The following ADGRL3 variants were observed in gnomAD, a reference collection of about 807,000 sequenced individuals.
ADGRL3 encodes the protein calcium-independent alpha-latrotoxin receptor 3.
In ADGRL3, 62 loss-of-function variants were observed where a neutral mutation model predicts 153.5. That is an observed-to-expected ratio of 0.40 (90% CI 0.33 to 0.50). The LOEUF (loss-of-function observed/expected upper bound fraction) is 0.50, where lower values mean the gene tolerates loss of function less well. ADGRL3 is among the 20% of genes least tolerant of loss of function. The pLI, the probability that ADGRL3 is intolerant of heterozygous loss-of-function variation, is 0.47. For missense variants in ADGRL3, 1,641 were observed against 1,859.4 expected (o/e 0.88, Z 2.16); for synonymous variants, 710 against 672.5 (o/e 1.06, Z -0.86).
intron 1 of ADGRL3, among the ~76,000 whole-genome samples, chr4:61,270,825 C>G (rs757626437): frequency 6.6e-6 from 1 of 151,606 alleles, no homozygotes; most frequent in Non-Finnish European, 1.5e-5. Flanking sequence ...TGTCTGTAAT[C>G]ATGTTGAGAC....
At chr4:61,984,445 G>A (rs2099078758) in intron 19 of ADGRL3, among the ~76,000 whole-genome samples, 1 of 152,082 alleles carries the variant, frequency 6.6e-6, no homozygotes, top group African/African-American at 2.4e-5. Context: ...AGTGGTGCAT[G>A]TCTATAAAGC....
In ADGRL3 at chr4:61,524,754, C is replaced by A. The variant is rs565920024; in HGVS notation, c.259+7236C>A. Among the ~76,000 whole-genome samples, 16 of 152,074 alleles carry A rather than the reference C, an allele frequency of 1.1e-4. No homozygotes were observed. The East Asian group carries it at 3.1e-3, about 29-fold the overall frequency. ...AAGTGTTCCCCACTGCTGTTTATCC[C>A]TTTTTTTGACTTTCTGTTTTATAAT... On this transcript the variant is annotated intron_variant, in intron 4 of 26. Coordinates refer to ENST00000683033, the MANE Select transcript of ADGRL3 (RefSeq NM_001387552.1).
intron 7 of ADGRL3, 54 bp downstream of exon 7, chr4:61,730,690 C>A: frequency 2.3e-6 from 1 of 431,528 alleles, no homozygotes; most frequent in Non-Finnish European, 4.0e-6. Flanking sequence ...AGTTATTTAA[C>A]AGTTTAACAT....
At chr4:61,228,504 C>T (rs574932385) in intron 1 of ADGRL3, among the ~76,000 whole-genome samples, 1 of 152,202 alleles carries the variant, frequency 6.6e-6, no homozygotes, top group East Asian at 1.9e-4. Flanking sequence ...GCAATAACCA[C>T]TATTTATATA....
At position 61,587,386 on chromosome 4, in the gene ADGRL3, A is replaced by G. The variant is rs2098950576; in HGVS notation, c.419A>G (p.Gln140Arg). ...AAAATTTGTGACTCTGACCCTGCTC[A>G]GATGGAGAATATCCGATGTTATCTG... is the stretch of plus-strand genomic sequence containing the variant. ...DDKICDSDPA[Q>R]MENIRCYLPD... The change falls in exon 5 of 27, where the codon CAG becomes CGG. Residue 140 changes from glutamine (Q) to arginine (R), a missense_variant. Coordinates refer to ENST00000683033, the MANE Select transcript of ADGRL3 (RefSeq NM_001387552.1). 6.2e-7 allele frequency: 1 copy of G among 1,612,600 alleles called. No individual in the cohort carries two copies. Among genetic ancestry groups the G allele is most frequent in the Non-Finnish European group, 8.5e-7 (1 of 1,179,114 alleles).
intron 2 of ADGRL3, among the ~76,000 whole-genome samples, chr4:61,416,880 G>A (rs935769052): frequency 4.6e-5 from 7 of 151,922 alleles, no homozygotes; most frequent in Admixed American, 3.3e-4. Context: ...TATACTGCTC[G>A]CCATAATGTA....
At chr4:61,228,839 C>A (rs577324353) in intron 1 of ADGRL3, among the ~76,000 whole-genome samples, 94 of 152,204 alleles carry the variant, frequency 6.2e-4, no homozygotes, top group Non-Finnish European at 1.1e-3. Context: ...TTACAGGAAC[C>A]TGCCACCATA....
chr4:61,432,566 T>C lies in ADGRL3; in HGVS notation c.-174+49377T>C, dbSNP rs1385342438. Among the ~76,000 whole-genome samples the C allele has an allele frequency of 1.4e-4, 4 of 29,342 alleles. No individual in the cohort carries two copies. The Admixed American group carries it at 2.7e-3, about 20-fold the overall frequency. 19.2% of individuals were successfully genotyped at this position (29,342 alleles called of 152,430 possible). A position where few individuals can be genotyped will look rare whatever the true frequency, so the allele number is the denominator to read the frequency against. On this transcript the variant is annotated intron_variant, in intron 2 of 26. Coordinates refer to ENST00000683033, the MANE Select transcript of ADGRL3 (RefSeq NM_001387552.1). ...AATAGCCTTTATAGATTTCTTTTCT[T>C]TCTCTTCCTTTCTTTCTTTCTTTCT...
intron 8 of ADGRL3, among the ~76,000 whole-genome samples, chr4:61,791,152 A>C (rs2097336934): frequency 6.6e-6 from 1 of 152,174 alleles, no homozygotes; most frequent in African/African-American, 2.4e-5. Flanking sequence ...TCATTTCAGC[A>C]TTAACTCAAA....
chr4:61,307,671 T>G (rs772962138), intron 1 of ADGRL3, among the ~76,000 whole-genome samples: 2 of 152,086 alleles, frequency 1.3e-5, no homozygotes, highest in Non-Finnish European at 2.9e-5. Flanking sequence ...TCAAAAAGTA[T>G]CAGAACAAAA....
intron 1 of ADGRL3, among the ~76,000 whole-genome samples, chr4:61,263,253 A>G (rs955820810): frequency 6.6e-6 from 1 of 151,936 alleles, no homozygotes; most frequent in Non-Finnish European, 1.5e-5. Flanking sequence ...AATTTATAAT[A>G]TGTAAAATAT....
At chr4:61,784,993 A>G (rs2152403103) in intron 8 of ADGRL3, among the ~76,000 whole-genome samples, 1 of 152,300 alleles carries the variant, frequency 6.6e-6, no homozygotes, top group South Asian at 2.1e-4. Flanking sequence ...GTGAGTTAAT[A>G]TTTGTAAAGT....
intron 1 of ADGRL3, among the ~76,000 whole-genome samples, chr4:61,282,431 T>C (rs1381744187): frequency 6.6e-6 from 1 of 152,108 alleles, no homozygotes; most frequent in Non-Finnish European, 1.5e-5. Flanking sequence ...ATTGATTGAT[T>C]TGTAACTATT....
At position 61,630,617 on chromosome 4, in the gene ADGRL3, A is replaced by G. The variant is rs116309116; in HGVS notation, c.473+43177A>G. On this transcript the variant is annotated intron_variant, in intron 5 of 26. Coordinates refer to ENST00000683033, the MANE Select transcript of ADGRL3 (RefSeq NM_001387552.1). ...TGATTCTTACTGCTGAAGTGTGCAA[A>G]TGGCCAACTTTCTCATAGTCATCAT... Among the ~76,000 whole-genome samples the G allele has an allele frequency of 2.1e-3, 314 of 152,236 alleles. 6 individuals are homozygous for G. The highest frequency in any genetic ancestry group is 7.1e-3 in the African/African-American group (297 of 41,540).
At chr4:61,795,715 G>A (rs1018014132) in intron 8 of ADGRL3, among the ~76,000 whole-genome samples, 2 of 152,122 alleles carry the variant, frequency 1.3e-5, no homozygotes, top group East Asian at 1.9e-4. Flanking sequence ...GAAACTCAAA[G>A]CAACTACTAT....
intron 9 of ADGRL3, among the ~76,000 whole-genome samples, chr4:61,831,966 G>A (rs891547518): frequency 3.9e-5 from 6 of 152,030 alleles, no homozygotes; most frequent in African/African-American, 1.2e-4. Context: ...GAAGAGCCCT[G>A]AGCCAGTTCA....
chr4:62,034,755 G>T (rs1434774545), intron 23 of ADGRL3, among the ~76,000 whole-genome samples: 1 of 151,846 alleles, frequency 6.6e-6, no homozygotes, highest in Admixed American at 6.6e-5. Flanking sequence ...TAAAATTTTT[G>T]TATCTCAGTC....
chr4:61,579,607 T>C (rs1450183646), intron 4 of ADGRL3: 1 of 515,232 alleles, frequency 1.9e-6, no homozygotes, highest in Non-Finnish European at 3.9e-6. Context: ...AGGTTCATGA[T>C]GAAGCTCCGT....
chr4:61,370,558 C>A (rs1239800879), intron 1 of ADGRL3, among the ~76,000 whole-genome samples: 2 of 152,126 alleles, frequency 1.3e-5, no homozygotes, highest in African/African-American at 4.8e-5. Flanking sequence ...GGTTCTTAAT[C>A]CTGAGTTCTA....
Sources: gnomAD v4.1 joint callset for allele counts (sites outside exome capture counted in the v4.1 genomes callset) on GRCh38, gnomAD v4.1.1 for gene constraint, MANE v1.5 for transcripts, NCBI Gene and HGNC (gene_info 2026-07-23, HGNC 2026-07-21) for gene names.